The following CYYR1 variants were observed in gnomAD, a reference collection of about 807,000 sequenced individuals.
CYYR1 encodes cysteine and tyrosine rich 1.
Under a neutral mutation model 15.2 loss-of-function variants are expected in CYYR1, and 14 were observed. The ratio of observed to expected loss-of-function variants is 0.92; its 90% CI spans 0.61 to 1.44. The LOEUF is 1.44. Ranked by LOEUF, CYYR1 falls within the 40% of genes most tolerant of loss-of-function variation. The probability of loss-of-function intolerance (pLI) is 0.00; values close to 1 mark genes in which losing one functional copy is unlikely to be tolerated. For missense variants in CYYR1, 228 were observed against 209.5 expected (o/e 1.09, Z -0.54); for synonymous variants, 80 against 77.4 (o/e 1.03, Z -0.18).
intron 2 of CYYR1, among the ~76,000 whole-genome samples, chr21:26,488,193 T>C (rs953734079): frequency 1.3e-5 from 2 of 152,114 alleles, no homozygotes; most frequent in African/African-American, 2.4e-5. Context: ...TTTTCCTTGA[T>C]AAAAGAAGTC....
intron 2 of CYYR1, among the ~76,000 whole-genome samples, chr21:26,483,698 G>T (rs1365025748): frequency 1.3e-5 from 2 of 152,060 alleles, no homozygotes; most frequent in African/African-American, 4.8e-5. Flanking sequence ...CGCTTTGTCG[G>T]CTGTCTTTTG....
At chr21:26,472,428 T>C (rs2065047309) in intron 3 of CYYR1, among the ~76,000 whole-genome samples, 1 of 152,136 alleles carries the variant, frequency 6.6e-6, no homozygotes, top group African/African-American at 2.4e-5. Context: ...AAAACTACTT[T>C]CAAAAATAAT....
chr21:26,551,974 A>G (rs1031609333), intron 2 of CYYR1: 1 of 152,402 alleles, frequency 6.6e-6, no homozygotes, highest in Non-Finnish European at 1.5e-5. Context: ...TCTTATTTTT[A>G]AAAATTTCCA....
chr21:26,538,750 A>G lies in CYYR1; in HGVS notation c.176+27516T>C, dbSNP rs368693679. On this transcript the variant is annotated intron_variant, in intron 2 of 3. Transcript: ENST00000652641. ...GTGGTATCATATTTTTAATTGGGGA[A>G]ATATCCAAATACCTGTGTCTAGTTC... is the stretch of plus-strand genomic sequence containing the variant. 4.4e-4 allele frequency among the ~76,000 whole-genome samples: 67 copies of G among 152,272 alleles called. No individual in the cohort carries two copies. The South Asian group carries it at 0.013, about 30-fold the overall frequency.
At chr21:26,543,352 A>G (rs1037172719) in intron 2 of CYYR1, among the ~76,000 whole-genome samples, 1 of 152,252 alleles carries the variant, frequency 6.6e-6, no homozygotes, top group African/African-American at 2.4e-5. Flanking sequence ...AAAATTTTAA[A>G]AAGTTATGAT....
intron 3 of CYYR1, among the ~76,000 whole-genome samples, chr21:26,469,492 A>AT (rs1337166382): frequency 6.6e-6 from 1 of 152,116 alleles, no homozygotes; most frequent in Non-Finnish European, 1.5e-5. Flanking sequence ...AAATAATTTT[A>AT]TTTTTTTGAA....
intron 2 of CYYR1, among the ~76,000 whole-genome samples, chr21:26,565,511 C>T (rs554171280): frequency 1.3e-5 from 2 of 152,282 alleles, no homozygotes; most frequent in African/African-American, 2.4e-5. Flanking sequence ...TCTCAACCCT[C>T]GTTTCTCAGT....
At chr21:26,543,290 G>A (rs1267098590) in intron 2 of CYYR1, among the ~76,000 whole-genome samples, 4 of 151,792 alleles carry the variant, frequency 2.6e-5, no homozygotes, top group African/African-American at 9.7e-5. Context: ...CATGGCACAT[G>A]TTTACCTATG....
intron 3 of CYYR1, chr21:26,477,559 G>C (rs959475498): frequency 6.1e-6 from 2 of 328,494 alleles, no homozygotes; most frequent in Non-Finnish European, 8.7e-6. Context: ...GAAAACATGT[G>C]ACCTTACATT....
chr21:26,475,497 C>T (rs981332856), intron 3 of CYYR1, among the ~76,000 whole-genome samples: 4 of 152,112 alleles, frequency 2.6e-5, no homozygotes, highest in Non-Finnish European at 5.9e-5. Context: ...ACACTGATTT[C>T]CAACAATCCC....
chr21:26,503,318 A>G (rs1442993488), intron 2 of CYYR1, among the ~76,000 whole-genome samples: 1 of 152,198 alleles, frequency 6.6e-6, no homozygotes, highest in African/African-American at 2.4e-5. Context: ...GAAAATAGTA[A>G]TTTGAGGTAT....
intron 2 of CYYR1, among the ~76,000 whole-genome samples, chr21:26,563,755 T>C (rs1333482220): frequency 6.6e-6 from 1 of 152,202 alleles, no homozygotes; most frequent in Non-Finnish European, 1.5e-5. Context: ...TGATTTCAGC[T>C]GGTGACTAGG....
Position 26,572,992 on chromosome 21 carries a change from G to C in CYYR1, c.-52C>G, listed in dbSNP as rs765679917. 3 of 1,612,668 alleles carry C rather than the reference G, an allele frequency of 1.9e-6. No homozygotes were observed. Among genetic ancestry groups the C allele is most frequent in the Admixed American group, 1.7e-5 (1 of 59,868 alleles). ...CGAAGGGAGAGCCCGGAACCGGAGG[G>C]AATGGGGAGGATGGAGGGCGATCAG... is the stretch of plus-strand genomic sequence containing the variant. On this transcript the variant is annotated 5_prime_UTR_variant, in exon 1 of 4. Coordinates refer to ENST00000652641, the MANE Select transcript of CYYR1 (RefSeq NM_001320768.2).
intron 2 of CYYR1, among the ~76,000 whole-genome samples, chr21:26,485,852 T>C (rs1451253332): frequency 1.3e-5 from 2 of 152,108 alleles, no homozygotes; most frequent in African/African-American, 2.4e-5. Flanking sequence ...GTACGATAAA[T>C]GTATGTTTGA....
At chr21:26,564,911 G>T in intron 2 of CYYR1, 1 of 697,626 alleles carries the variant, frequency 1.4e-6, no homozygotes, top group Non-Finnish European at 2.0e-6. Context: ...GAAGTAATAT[G>T]CCACTGTAAA....
chr21:26,478,801 G>T (rs77963422), intron 3 of CYYR1, among the ~76,000 whole-genome samples: 20,324 of 152,076 alleles, frequency 0.13, 1,416 homozygotes, highest in South Asian at 0.19. Context: ...ACTTCTCACT[G>T]TGAGAAGTAG....
intron 2 of CYYR1, among the ~76,000 whole-genome samples, chr21:26,537,936 C>A: frequency 6.6e-6 from 1 of 152,104 alleles, no homozygotes; most frequent in East Asian, 1.9e-4. Flanking sequence ...TATGCCCATG[C>A]CTTGATCTTG....
At chr21:26,529,936 C>A (rs1403903949) in intron 2 of CYYR1, among the ~76,000 whole-genome samples, 2 of 152,292 alleles carry the variant, frequency 1.3e-5, no homozygotes, top group East Asian at 3.9e-4. Flanking sequence ...GGCTACCCAT[C>A]CCATCTTTTC....
At chr21:26,488,564 T>A (rs1388884110) in intron 2 of CYYR1, among the ~76,000 whole-genome samples, 2 of 152,138 alleles carry the variant, frequency 1.3e-5, no homozygotes, top group Non-Finnish European at 1.5e-5. Context: ...GTACTACATC[T>A]TCCAGGTAGC....
Sources: gnomAD v4.1 joint callset for allele counts (sites outside exome capture counted in the v4.1 genomes callset) on GRCh38, gnomAD v4.1.1 for gene constraint, MANE v1.5 for transcripts, NCBI Gene and HGNC (gene_info 2026-07-23, HGNC 2026-07-21) for gene names.